The following CNTNAP2 variants were observed in gnomAD, a reference collection of about 807,000 sequenced individuals.
CNTNAP2 encodes contactin-associated protein-like 2.
Under a neutral mutation model 155.2 loss-of-function variants are expected in CNTNAP2, and 98 were observed. The observed-to-expected ratio is 0.63, with a 90% confidence interval of 0.54 to 0.75. The LOEUF is 0.75. CNTNAP2 is among the 30% of genes least tolerant of loss of function. The pLI is 0.00. For missense variants in CNTNAP2, 1,727 were observed against 1,688.1 expected (o/e 1.02, Z -0.40); for synonymous variants, 651 against 631.2 (o/e 1.03, Z -0.47).
chr7:147,867,627 C>G (rs1172835114), intron 13 of CNTNAP2, among the ~76,000 whole-genome samples: 1 of 152,152 alleles, frequency 6.6e-6, no homozygotes, highest in Non-Finnish European at 1.5e-5. Flanking sequence ...TCCCATGTTT[C>G]TTGGAGGCTT....
chr7:147,721,861 C>T (rs1428827646), intron 13 of CNTNAP2, among the ~76,000 whole-genome samples: 2 of 152,068 alleles, frequency 1.3e-5, no homozygotes, highest in Non-Finnish European at 2.9e-5. Flanking sequence ...CCATCATTTC[C>T]AAGCATCAGT....
chr7:146,802,552 G>A (rs1802897453), intron 2 of CNTNAP2, among the ~76,000 whole-genome samples: 1 of 152,086 alleles, frequency 6.6e-6, no homozygotes, highest in Non-Finnish European at 1.5e-5. Flanking sequence ...TAGTGAGTGA[G>A]TTCTCAGGAG....
At chr7:146,638,937 C>T (rs1368055918) in intron 1 of CNTNAP2, among the ~76,000 whole-genome samples, 5 of 152,130 alleles carry the variant, frequency 3.3e-5, no homozygotes, top group African/African-American at 9.7e-5. Context: ...TCCAAGGCTA[C>T]AAACCTATAT....
intron 1 of CNTNAP2, among the ~76,000 whole-genome samples, chr7:146,135,055 T>C (rs543102711): frequency 1.3e-5 from 2 of 152,212 alleles, no homozygotes; most frequent in South Asian, 4.1e-4. Context: ...CTCTTTTTTA[T>C]AATGTAACAT....
intron 9 of CNTNAP2, among the ~76,000 whole-genome samples, chr7:147,378,527 C>G (rs1584911715): frequency 1.3e-5 from 2 of 152,132 alleles, no homozygotes; most frequent in East Asian, 3.9e-4. Context: ...TATGTGCGTT[C>G]TCACTCATTT....
intron 13 of CNTNAP2, among the ~76,000 whole-genome samples, chr7:147,894,961 C>CTTTTTTTT (rs1350773023): frequency 8.4e-5 from 3 of 35,656 alleles, no homozygotes; most frequent in Non-Finnish European, 1.3e-4. Flanking sequence ...TTCTTTCTTT[C>CTTTTTTTT]TTTCTTTTTT....
At chr7:148,167,208 C>T (rs1232438728) in intron 17 of CNTNAP2, among the ~76,000 whole-genome samples, 1 of 152,082 alleles carries the variant, frequency 6.6e-6, no homozygotes, top group Non-Finnish European at 1.5e-5. Flanking sequence ...GGCATGATCT[C>T]GGCTCACTGC....
chr7:147,935,888 G>A (rs890622712), intron 14 of CNTNAP2, among the ~76,000 whole-genome samples: 2 of 152,128 alleles, frequency 1.3e-5, no homozygotes, highest in African/African-American at 2.4e-5. Context: ...TGGAAATAAT[G>A]TATGCATTGT....
intron 1 of CNTNAP2, among the ~76,000 whole-genome samples, chr7:146,381,397 C>T (rs1295975739): frequency 2.0e-5 from 3 of 152,076 alleles, no homozygotes; most frequent in Non-Finnish European, 4.4e-5. Context: ...GACCATGTAT[C>T]CTAGAGAAAG....
intron 1 of CNTNAP2, among the ~76,000 whole-genome samples, chr7:146,167,812 A>G (rs1042606738): frequency 6.6e-6 from 1 of 152,146 alleles, no homozygotes; most frequent in African/African-American, 2.4e-5. Context: ...TCACAAGGTG[A>G]AGTCTCACAA....
chr7:147,232,828 C>T lies in CNTNAP2; in HGVS notation c.1349-67313C>T, dbSNP rs139126504. 2.3e-3 allele frequency among the ~76,000 whole-genome samples: 357 copies of T among 152,172 alleles called. 2 individuals are homozygous for T. The highest frequency in any genetic ancestry group is 8.1e-3 in the African/African-American group (338 of 41,530). ...TTTTTCTGAAGAACAATTATTGAAACCACCATTTCAGGGTGATCTGTAACT... is the reference window on the plus strand; with the variant it reads ...TTTTTCTGAAGAACAATTATTGAAATCACCATTTCAGGGTGATCTGTAACT... On this transcript the variant is annotated intron_variant, in intron 8 of 23. Transcript: ENST00000361727.
At position 147,152,622 on chromosome 7, in the gene CNTNAP2, T is replaced by G. The variant is rs141103711; in HGVS notation, c.1348+20113T>G. On this transcript the variant is annotated intron_variant, in intron 8 of 23. Coordinates refer to ENST00000361727, the MANE Select transcript of CNTNAP2 (RefSeq NM_014141.6). ...TACCTCAAGTAATGTGTTTACAGTA[T>G]AGTTGAGGAGATAACTGCATAAAGG... Among the ~76,000 whole-genome samples the G allele has an allele frequency of 2.8e-4, 43 of 152,194 alleles. No homozygotes were observed. The East Asian group carries it at 4.5e-3, about 16-fold the overall frequency.
intron 13 of CNTNAP2, among the ~76,000 whole-genome samples, chr7:147,647,226 C>G (rs1385179920): frequency 6.6e-6 from 1 of 151,556 alleles, no homozygotes; most frequent in Non-Finnish European, 1.5e-5. Context: ...GTCTAGAACT[C>G]CTGAGCTCAG....
chr7:147,889,963 T>G (rs879816947), intron 13 of CNTNAP2, among the ~76,000 whole-genome samples: 1 of 152,186 alleles, frequency 6.6e-6, no homozygotes, highest in African/African-American at 2.4e-5. Flanking sequence ...CTCAACAAAT[T>G]TCAGGTTATT....
intron 10 of CNTNAP2, among the ~76,000 whole-genome samples, chr7:147,478,562 C>A (rs1157158488): frequency 1.3e-5 from 2 of 152,114 alleles, no homozygotes; most frequent in African/African-American, 4.8e-5. Flanking sequence ...AGTATGCTAC[C>A]CAAAGCTCAG....
intron 10 of CNTNAP2, among the ~76,000 whole-genome samples, chr7:147,414,323 C>T (rs1797151569): frequency 6.6e-6 from 1 of 151,340 alleles, no homozygotes; most frequent in African/African-American, 2.4e-5. Context: ...ACTCAGGAGG[C>T]TGAGGCAGGA....
chr7:148,009,101 C>A (rs1046074101), intron 15 of CNTNAP2, among the ~76,000 whole-genome samples: 1 of 152,170 alleles, frequency 6.6e-6, no homozygotes, highest in Non-Finnish European at 1.5e-5. Context: ...ATAGAAAACA[C>A]ATAGTTGAAA....
At position 147,751,396 on chromosome 7, in the gene CNTNAP2, T is replaced by TA. The variant is rs59271527; in HGVS notation, c.2098+112103dup. ...TGAATCTTCAAAGGATGAATTTAGTTAAAAAAAAAAAAAGGAAATTAGTCT... is the reference window on the plus strand; with the variant it reads ...TGAATCTTCAAAGGATGAATTTAGTTAAAAAAAAAAAAAAGGAAATTAGTCT... On this transcript the variant is annotated intron_variant, in intron 13 of 23. Coordinates refer to ENST00000361727, the MANE Select transcript of CNTNAP2 (RefSeq NM_014141.6). Among the ~76,000 whole-genome samples, 968 of 144,454 alleles carry TA rather than the reference T, an allele frequency of 6.7e-3. 9 individuals are homozygous for TA. Among genetic ancestry groups the TA allele is most frequent in the African/African-American group, 0.015 (603 of 39,402 alleles). 94.8% of individuals were successfully genotyped at this position (144,454 alleles called of 152,430 possible).
At chr7:146,209,665 A>G (rs935136874) in intron 1 of CNTNAP2, among the ~76,000 whole-genome samples, 6 of 152,232 alleles carry the variant, frequency 3.9e-5, no homozygotes, top group Non-Finnish European at 7.3e-5. Flanking sequence ...TATAGTATCT[A>G]GGATTTTTGT....
Sources: gnomAD v4.1 joint callset for allele counts (sites outside exome capture counted in the v4.1 genomes callset) on GRCh38, gnomAD v4.1.1 for gene constraint, MANE v1.5 for transcripts, NCBI Gene and HGNC (gene_info 2026-07-23, HGNC 2026-07-21) for gene names.